Variants in MYT1L observed in about 807,000 individuals in gnomAD.
The protein encoded by MYT1L is myelin transcription factor 1-like protein.
In MYT1L, 12 loss-of-function variants were observed where a neutral mutation model predicts 126.7. The ratio of observed to expected loss-of-function variants is 0.09; its 90% CI spans 0.06 to 0.15. The LOEUF is 0.15. MYT1L is among the 10% of genes least tolerant of loss of function. MYT1L has a pLI of 1.00. For synonymous variants in MYT1L, 541 were observed against 604.2 expected (o/e 0.90, Z 1.53); for missense variants, 979 against 1,585.2 (o/e 0.62, Z 6.49).
At chr2:1,836,271 T>G (rs1445691715) in intron 21 of MYT1L, among the ~76,000 whole-genome samples, 1 of 150,054 alleles carries the variant, frequency 6.7e-6, no homozygotes, top group Non-Finnish European at 1.5e-5. Context: ...ACCCCAAGAT[T>G]CCATCAGCCT....
chr2:2,294,015 T>C (rs1198643830), intron 1 of MYT1L, among the ~76,000 whole-genome samples: 1 of 152,154 alleles, frequency 6.6e-6, no homozygotes. Context: ...ATGGTCTTGC[T>C]TTAAAAAGTA....
chr2:1,798,699 G>C, intron 23 of MYT1L, among the ~76,000 whole-genome samples: 1 of 152,228 alleles, frequency 6.6e-6, no homozygotes, highest in East Asian at 1.9e-4. Flanking sequence ...AGGGTGTGCG[G>C]GCCTGAGAGG....
chr2:2,326,688 A>G (rs2096249719), intron 1 of MYT1L: 1 of 152,228 alleles, frequency 6.6e-6, no homozygotes, highest in Non-Finnish European at 1.5e-5. Flanking sequence ...TCTCTATCTA[A>G]TAAATAAGCA....
chr2:2,046,837 C>A (rs2068246628), intron 4 of MYT1L, among the ~76,000 whole-genome samples: 1 of 152,102 alleles, frequency 6.6e-6, no homozygotes, highest in Non-Finnish European at 1.5e-5. Flanking sequence ...TTTCTATAAC[C>A]CATACTTTTC....
intron 23 of MYT1L, among the ~76,000 whole-genome samples, chr2:1,792,890 G>GAAAAAAAAAAAAAA (rs2032475619): frequency 2.1e-5 from 1 of 46,656 alleles, no homozygotes; most frequent in Non-Finnish European, 5.0e-5. Context: ...AAAAAAAAAG[G>GAAAAAAAAAAAAAA]AAAAGAAAAA....
chr2:2,042,250 T>A (rs1304653880), intron 4 of MYT1L, among the ~76,000 whole-genome samples: 1 of 152,176 alleles, frequency 6.6e-6, no homozygotes, highest in Admixed American at 6.5e-5. Context: ...GACTAAGCTA[T>A]CACATTTGGC....
chr2:2,094,814 C>T (rs556113902), intron 3 of MYT1L, among the ~76,000 whole-genome samples: 9 of 152,042 alleles, frequency 5.9e-5, no homozygotes, highest in African/African-American at 1.2e-4. Flanking sequence ...GGAGATATAC[C>T]TATTGTAAAT....
At chr2:2,039,234 AT>A (rs1216812019) in intron 4 of MYT1L, among the ~76,000 whole-genome samples, 4 of 152,102 alleles carry the variant, frequency 2.6e-5, no homozygotes, top group Non-Finnish European at 4.4e-5. Context: ...CACAATGACT[AT>A]TTTATAAACA....
chr2:2,134,854 G>T (rs574601233), intron 3 of MYT1L, among the ~76,000 whole-genome samples: 14 of 152,320 alleles, frequency 9.2e-5, no homozygotes, highest in African/African-American at 3.4e-4. Flanking sequence ...GTATTGCAAA[G>T]GAGGGCACCA....
At chr2:1,827,084 T>C (rs2039465075) in intron 21 of MYT1L, 1 of 152,278 alleles carries the variant, frequency 6.6e-6, no homozygotes, top group South Asian at 2.1e-4. Context: ...GGACTAGAGA[T>C]CACGGCCTGG....
chr2:2,243,477 A>T (rs1314798471), intron 2 of MYT1L, among the ~76,000 whole-genome samples: 1 of 152,190 alleles, frequency 6.6e-6, no homozygotes, highest in East Asian at 1.9e-4. Flanking sequence ...AAACTAATTG[A>T]CTTCATAATT....
intron 1 of MYT1L, among the ~76,000 whole-genome samples, chr2:2,319,758 C>CATAT (rs60572138): frequency 2.2e-4 from 32 of 147,234 alleles, no homozygotes; most frequent in East Asian, 1.4e-3. Flanking sequence ...CAGAAATATG[C>CATAT]ATATATATAT....
At chr2:1,859,680 T>C (rs923304741) in intron 18 of MYT1L, among the ~76,000 whole-genome samples, 2 of 152,212 alleles carry the variant, frequency 1.3e-5, no homozygotes, top group African/African-American at 2.4e-5. Flanking sequence ...AGCAGGAATA[T>C]TGGCCAGGGG....
intron 9 of MYT1L, among the ~76,000 whole-genome samples, chr2:1,938,593 C>G (rs1459419672): frequency 6.6e-6 from 1 of 152,156 alleles, no homozygotes; most frequent in Non-Finnish European, 1.5e-5. Context: ...AGAAGGTGAT[C>G]AGGAGAACAC....
At chr2:2,146,383 T>C (rs2084877357) in intron 3 of MYT1L, among the ~76,000 whole-genome samples, 5 of 152,068 alleles carry the variant, frequency 3.3e-5, no homozygotes, top group Admixed American at 3.3e-4. Context: ...CTGGAGAGTG[T>C]GGCCGGGCAG....
chr2:1,800,586 G>A (rs73182877), intron 23 of MYT1L, among the ~76,000 whole-genome samples: 68 of 152,280 alleles, frequency 4.5e-4, no homozygotes, highest in African/African-American at 1.6e-3. Context: ...CTCCATCCTT[G>A]GGAAAACTGT....
intron 2 of MYT1L, among the ~76,000 whole-genome samples, chr2:2,208,230 T>C (rs756099335): frequency 2.0e-5 from 3 of 152,220 alleles, no homozygotes; most frequent in Non-Finnish European, 2.9e-5. Flanking sequence ...CTGGGTTTGA[T>C]TGAATTCGAG....
At chr2:2,241,812 C>G (rs532818132) in intron 2 of MYT1L, among the ~76,000 whole-genome samples, 5 of 152,136 alleles carry the variant, frequency 3.3e-5, no homozygotes, top group African/African-American at 1.2e-4. Flanking sequence ...GAGGGCATTA[C>G]GCTAAGTGAA....
At chr2:2,309,960 T>C (rs1348172989) in intron 1 of MYT1L, among the ~76,000 whole-genome samples, 1 of 151,132 alleles carries the variant, frequency 6.6e-6, no homozygotes, top group Non-Finnish European at 1.5e-5. Context: ...ACTCTATCTA[T>C]ACTCCACCTA....
Sources: allele counts gnomAD v4.1 joint callset (sites outside exome capture counted in the v4.1 genomes callset), GRCh38; gene constraint gnomAD v4.1.1; transcripts MANE v1.5; gene names NCBI Gene and HGNC (gene_info 2026-07-23, HGNC 2026-07-21).